EYS: variants seen among roughly 807,000 people sequenced by gnomAD.
The protein encoded by EYS is EGF-like photoreceptor maintenance factor, also known as protein eyes shut homolog.
Under a neutral mutation model 282.1 loss-of-function variants are expected in EYS, and 250 were observed. The ratio of observed to expected loss-of-function variants is 0.89; its 90% CI spans 0.80 to 0.98. The LOEUF is 0.98. Among genes scored for constraint, EYS ranks in the 50% least tolerant of loss-of-function variants. The pLI, the probability that EYS is intolerant of heterozygous loss-of-function variation, is 0.00. For synonymous variants in EYS, 1,355 were observed against 1,282.9 expected (o/e 1.06, Z -1.20); for missense variants, 4,016 against 3,709.0 (o/e 1.08, Z -2.15).
intron 31 of EYS, among the ~76,000 whole-genome samples, chr6:64,185,751 C>T: frequency 6.6e-6 from 1 of 152,148 alleles, no homozygotes; most frequent in East Asian, 1.9e-4. Context: ...TGGTCAATAT[C>T]AGATTGCCAA....
rs569751723 is a variant in EYS, at chr6:65,508,642, G to A, written c.-332-12649C>T. ...CACGCCACTGCACTCCAGCCTGGGT[G>A]ACAGAGCAAGACTCCATCTCAAAAA... On this transcript the variant is annotated intron_variant, in intron 2 of 42. Transcript: ENST00000503581. 5.9e-4 allele frequency among the ~76,000 whole-genome samples: 83 copies of A among 141,006 alleles called. 1 individual carries two copies. The highest frequency in any genetic ancestry group is 1.6e-3 in the Admixed American group (22 of 13,372). The allele number at this position is 141,006 out of a possible 152,430, so 92.5% of individuals were successfully genotyped here.
At chr6:65,416,854 G>C (rs1039209406) in intron 5 of EYS, among the ~76,000 whole-genome samples, 1 of 151,942 alleles carries the variant, frequency 6.6e-6, no homozygotes, top group South Asian at 2.1e-4. Context: ...TTTCTATGGG[G>C]AGAGAAAGAA....
intron 12 of EYS, among the ~76,000 whole-genome samples, chr6:65,231,893 G>GATATA (rs1307633267): frequency 6.6e-6 from 1 of 151,816 alleles, no homozygotes; most frequent in Non-Finnish European, 1.5e-5. Context: ...GGTTGAAAAA[G>GATATA]ATATAAAGGC....
chr6:63,831,449 A>G (rs1313932554), intron 36 of EYS, among the ~76,000 whole-genome samples: 1 of 152,228 alleles, frequency 6.6e-6, no homozygotes, highest in African/African-American at 2.4e-5. Flanking sequence ...TTAAACCAAC[A>G]AAGATCAAAA....
At chr6:64,298,700 G>A (rs550472102) in intron 30 of EYS, among the ~76,000 whole-genome samples, 3 of 152,120 alleles carry the variant, frequency 2.0e-5, no homozygotes, top group Admixed American at 2.0e-4. Flanking sequence ...AATTATAAAT[G>A]ATTGTACTCT....
intron 26 of EYS, among the ~76,000 whole-genome samples, chr6:64,511,089 T>C (rs776638487): frequency 1.4e-5 from 2 of 147,710 alleles, no homozygotes; most frequent in African/African-American, 2.5e-5. Context: ...TATTATATAG[T>C]AGGCAAAGAT....
At chr6:64,609,367 A>C (rs1252441438) in intron 24 of EYS, among the ~76,000 whole-genome samples, 1 of 152,182 alleles carries the variant, frequency 6.6e-6, no homozygotes, top group Non-Finnish European at 1.5e-5. Context: ...GTTAAAGTGT[A>C]GCATGTGCAA....
At chr6:65,119,955 G>C (rs1258509000) in intron 12 of EYS, among the ~76,000 whole-genome samples, 3 of 151,226 alleles carry the variant, frequency 2.0e-5, no homozygotes, top group African/African-American at 7.3e-5. Context: ...GGCTAAGACC[G>C]TGAAACCTAC....
chr6:64,233,414 A>G (rs1013346872), intron 30 of EYS, among the ~76,000 whole-genome samples: 1 of 152,212 alleles, frequency 6.6e-6, no homozygotes, highest in African/African-American at 2.4e-5. Flanking sequence ...AATTTGTTAT[A>G]TATTTAAAAA....
At chr6:64,738,594 A>G (rs991321225) in intron 22 of EYS, among the ~76,000 whole-genome samples, 1 of 152,182 alleles carries the variant, frequency 6.6e-6, no homozygotes, top group Admixed American at 6.5e-5. Context: ...AGGCCCTTAT[A>G]TTTGTATAGG....
intron 5 of EYS, among the ~76,000 whole-genome samples, chr6:65,445,522 T>C (rs1222779792): frequency 6.6e-6 from 1 of 151,762 alleles, no homozygotes; most frequent in Non-Finnish European, 1.5e-5. Context: ...CCTTTTTGGA[T>C]CTAATGATTT....
In EYS at chr6:64,684,770, C is replaced by T. The variant is rs531171330; in HGVS notation, c.3444-58525G>A. ...TAAATTAAAGATTCAATCCCAAGGACGTTAATAAAAATGGAATGTATAAAG... is the reference window on the plus strand; with the variant it reads ...TAAATTAAAGATTCAATCCCAAGGATGTTAATAAAAATGGAATGTATAAAG... On this transcript the variant is annotated intron_variant, in intron 22 of 42. Coordinates refer to ENST00000503581, the MANE Select transcript of EYS (RefSeq NM_001142800.2). Among the ~76,000 whole-genome samples, 9 of 149,718 alleles carry T rather than the reference C, an allele frequency of 6.0e-5. No homozygotes were observed. In the South Asian group the frequency reaches 8.6e-4, roughly 14 times the overall value.
chr6:65,442,330 G>T (rs558539052), intron 5 of EYS, among the ~76,000 whole-genome samples: 2 of 151,862 alleles, frequency 1.3e-5, no homozygotes, highest in Non-Finnish European at 1.5e-5. Flanking sequence ...AATTATATGG[G>T]CTTAGAATTC....
intron 41 of EYS, among the ~76,000 whole-genome samples, chr6:63,754,265 C>T (rs895279544): frequency 6.6e-6 from 1 of 151,998 alleles, no homozygotes; most frequent in Admixed American, 6.6e-5. Flanking sequence ...CATAGGTATA[C>T]ATGTGTGATG....
At chr6:64,199,582 C>G (rs1254351838) in intron 31 of EYS, among the ~76,000 whole-genome samples, 2 of 152,128 alleles carry the variant, frequency 1.3e-5, no homozygotes, top group Non-Finnish European at 2.9e-5. Context: ...CAAATGGGAT[C>G]TAATTAAACT....
At chr6:65,114,663 GT>G (rs1289222595) in intron 12 of EYS, among the ~76,000 whole-genome samples, 1 of 151,628 alleles carries the variant, frequency 6.6e-6, no homozygotes, top group Non-Finnish European at 1.5e-5. Flanking sequence ...TTTCTTTGTG[GT>G]ATGCTATTTC....
intron 41 of EYS, among the ~76,000 whole-genome samples, chr6:63,739,615 A>C (rs1769021111): frequency 6.6e-6 from 1 of 152,144 alleles, no homozygotes; most frequent in Non-Finnish European, 1.5e-5. Context: ...GCAGATCTGC[A>C]TTATGTACCA....
intron 12 of EYS, among the ~76,000 whole-genome samples, chr6:65,201,878 C>T (rs767246814): frequency 3.9e-5 from 6 of 151,914 alleles, no homozygotes; most frequent in South Asian, 4.2e-4. Flanking sequence ...TTTGAGAAGC[C>T]GAGGCAGGTA....
rs530393972 is a variant in EYS at position 65,003,704 on chromosome 6, C to T, written c.2138-6001G>A. On this transcript the variant is annotated intron_variant, in intron 13 of 42. Coordinates refer to ENST00000503581, the MANE Select transcript of EYS (RefSeq NM_001142800.2). ...TTTTGTACTCTGTCCCTTTATTTCT[C>T]AAGCCGGCCGGCACTTAAGGAAAAT... is the stretch of plus-strand genomic sequence containing the variant. Among the ~76,000 whole-genome samples, 8 of 147,252 alleles carry T rather than the reference C, an allele frequency of 5.4e-5. No homozygotes were observed. The East Asian group carries it at 1.7e-3, about 31-fold the overall frequency.
Sources: allele counts gnomAD v4.1 joint callset (sites outside exome capture counted in the v4.1 genomes callset), GRCh38; gene constraint gnomAD v4.1.1; transcripts MANE v1.5; gene names NCBI Gene and HGNC (gene_info 2026-07-23, HGNC 2026-07-21).